Variants in ZNF730 observed in about 807,000 individuals in gnomAD.
ZNF730 encodes the protein zinc finger protein 730.
A neutral mutation model predicts 12.6 loss-of-function variants in ZNF730; 12 were observed. That is an observed-to-expected ratio of 0.95 (90% CI 0.61 to 1.54). The LOEUF (loss-of-function observed/expected upper bound fraction) is 1.54. Ranked by LOEUF, ZNF730 falls within the 40% of genes most tolerant of loss-of-function variation. The probability of loss-of-function intolerance (pLI) is 0.00; values close to 1 mark genes in which losing one functional copy is unlikely to be tolerated. For synonymous variants in ZNF730, 194 were observed against 195.8 expected, an observed-to-expected ratio of 0.99 and a Z score of 0.08; for missense variants, 643 against 583.5, an observed-to-expected ratio of 1.10 and a Z score of -1.05.
chr19:23,117,909 C>T (rs1970552606), intron 1 of ZNF730, among the ~76,000 whole-genome samples: 1 of 152,118 alleles, frequency 6.6e-6, no homozygotes, highest in African/African-American at 2.4e-5. Context: ...GGAATCCAGG[C>T]ATCGCAGCCA....
chr19:23,080,889 A>T (rs1387396903), intron 1 of ZNF730, among the ~76,000 whole-genome samples: 1 of 133,734 alleles, frequency 7.5e-6, no homozygotes, highest in Non-Finnish European at 1.5e-5. Flanking sequence ...TCTGTCGCCC[A>T]GGCTAGAGTG....
rs533596497 is a variant in ZNF730 at position 23,080,592 on chromosome 19, C to T, written c.-94+5205C>T. On this transcript the variant is annotated intron_variant, in intron 1 of 2. Transcript: ENST00000593635. ...GTTTCAGCATGTTGCCCAGGCTGGT[C>T]TCAAATTCCTGGCCTCAAGTGATCC... 3.3e-5 allele frequency among the ~76,000 whole-genome samples: 5 copies of T among 151,984 alleles called. No individual in the cohort carries two copies. In the South Asian group the frequency reaches 1.0e-3, roughly 32 times the overall value.
At position 23,138,282 on chromosome 19, in the gene ZNF730, C is replaced by CAAAAAAA. The variant is rs1315758966; in HGVS notation, c.226+2254_226+2260dup. On this transcript the variant is annotated intron_variant, in intron 3 of 3. Transcript: ENST00000597761. ...TGGGCGACAGAGCGAGACTCCGTCTCAAAAAAAAAAAAAAAAAAAAAGAAA... is the reference window on the plus strand; with the variant it reads ...TGGGCGACAGAGCGAGACTCCGTCTCAAAAAAAAAAAAAAAAAAAAAAAAAAAAGAAA... Among the ~76,000 whole-genome samples the CAAAAAAA allele has an allele frequency of 9.5e-4, 9 of 9,454 alleles. 1 individual carries two copies. Among genetic ancestry groups the CAAAAAAA allele is most frequent in the African/African-American group, 1.6e-3 (6 of 3,860 alleles). 6.2% of individuals were successfully genotyped at this position (9,454 alleles called of 152,430 possible). A position where few individuals can be genotyped will look rare whatever the true frequency, so the allele number is the denominator to read the frequency against.
chr19:23,106,366 GAATA>G (rs1473277126), intron 1 of ZNF730, among the ~76,000 whole-genome samples: 1 of 152,056 alleles, frequency 6.6e-6, no homozygotes, highest in African/African-American at 2.4e-5. Context: ...ACATCACAGA[GAATA>G]AATTTTCCTC....
At chr19:23,114,630 C>T (rs1194777694), upstream of ZNF730, among the ~76,000 whole-genome samples, 8 of 152,040 alleles carry the variant, frequency 5.3e-5, no homozygotes, top group Non-Finnish European at 1.0e-4. Flanking sequence ...GGATTACAGG[C>T]GTGAGCCACC....
intron 1 of ZNF730, among the ~76,000 whole-genome samples, chr19:23,107,595 C>T (rs56375426): frequency 0.054 from 8,184 of 151,666 alleles, 253 homozygotes; most frequent in Middle Eastern, 0.089. Flanking sequence ...TTCCAAAGTG[C>T]TGGGATTACA....
chr19:23,083,137 C>T (rs1010695971), intron 1 of ZNF730, among the ~76,000 whole-genome samples: 3 of 151,768 alleles, frequency 2.0e-5, no homozygotes, highest in African/African-American at 7.3e-5. Flanking sequence ...GATATATAGG[C>T]AGTAGTGGCT....
intron 1 of ZNF730, among the ~76,000 whole-genome samples, chr19:23,131,773 A>G (rs1272052888): frequency 6.6e-6 from 1 of 152,210 alleles, no homozygotes; most frequent in Non-Finnish European, 1.5e-5. Context: ...ATCACATTTC[A>G]TAGAGTAGGG....
intron 1 of ZNF730, chr19:23,095,068 T>C: frequency 3.5e-6 from 1 of 285,106 alleles, no homozygotes; most frequent in Non-Finnish European, 6.5e-6. Context: ...GACATATGAT[T>C]TTACCCAGCA....
chr19:23,094,237 T>C (rs1970207744), intron 1 of ZNF730, among the ~76,000 whole-genome samples: 1 of 151,982 alleles, frequency 6.6e-6, no homozygotes, highest in Non-Finnish European at 1.5e-5. Context: ...CTCTCTGTTA[T>C]GCTCCTTCCT....
At chr19:23,125,057 G>A (rs539779014) in intron 1 of ZNF730, among the ~76,000 whole-genome samples, 3 of 152,224 alleles carry the variant, frequency 2.0e-5, no homozygotes, top group Admixed American at 1.3e-4. Flanking sequence ...TTAAAAATGG[G>A]AGTTTCCCTG....
At chr19:23,136,101 GA>G (rs909589625) in intron 3 of ZNF730, 58 bp downstream of exon 3, 19 of 1,246,288 alleles carry the variant, frequency 1.5e-5, no homozygotes, top group African/African-American at 7.8e-5. Flanking sequence ...TTTAAAAAAA[GA>G]AAAAAAACCA....
chr19:23,116,071 A>C (rs1010503167), upstream of ZNF730, among the ~76,000 whole-genome samples: 4 of 152,244 alleles, frequency 2.6e-5, no homozygotes, highest in African/African-American at 9.6e-5. Context: ...CCCCGCACGC[A>C]CAGGAGAAAA....
chr19:23,139,910 ATCAGTGTGTTTTT>A (rs1441466523), intron 3 of ZNF730, among the ~76,000 whole-genome samples: 1 of 152,014 alleles, frequency 6.6e-6, no homozygotes, highest in African/African-American at 2.4e-5. Flanking sequence ...GCAGTTCCAT[ATCAGTGTGTTTTT>A]TCGGTGTGGG....
chr19:23,108,124 G>A (rs1970416596), intron 1 of ZNF730, among the ~76,000 whole-genome samples: 1 of 152,258 alleles, frequency 6.6e-6, no homozygotes, highest in African/African-American at 2.4e-5. Flanking sequence ...TGACTTAGCA[G>A]CAAACATTTT....
intron 1 of ZNF730, among the ~76,000 whole-genome samples, chr19:23,101,583 C>T (rs1191377533): frequency 1.3e-5 from 2 of 152,192 alleles, no homozygotes; most frequent in African/African-American, 2.4e-5. Context: ...CTTGGCCCAG[C>T]CCACAGATGA....
At chr19:23,084,908 G>C (rs1298325439) in intron 1 of ZNF730, among the ~76,000 whole-genome samples, 1 of 152,154 alleles carries the variant, frequency 6.6e-6, no homozygotes, top group East Asian at 1.9e-4. Context: ...ATGGTGAATA[G>C]TGCTGCAGTG....
chr19:23,089,610 T>G (rs1027149439), intron 1 of ZNF730, among the ~76,000 whole-genome samples: 7 of 152,146 alleles, frequency 4.6e-5, no homozygotes, highest in Non-Finnish European at 7.3e-5. Flanking sequence ...CTTGCTGCTG[T>G]GATGTAAGAA....
intron 1 of ZNF730, among the ~76,000 whole-genome samples, chr19:23,107,794 T>G (rs1407482765): frequency 6.6e-6 from 1 of 152,208 alleles, no homozygotes; most frequent in Non-Finnish European, 1.5e-5. Flanking sequence ...CAGGACAAGA[T>G]CATACAGATT....
Sources: allele counts gnomAD v4.1 joint callset (sites outside exome capture counted in the v4.1 genomes callset), GRCh38; gene constraint gnomAD v4.1.1; transcripts MANE v1.5; gene names NCBI Gene and HGNC (gene_info 2026-07-23, HGNC 2026-07-21).